LTBP1: variants seen among roughly 807,000 people sequenced by gnomAD.
LTBP1 encodes the protein latent transforming growth factor beta binding protein 1, also known as latent-transforming growth factor beta-binding protein 1.
Under a neutral mutation model 207.6 loss-of-function variants are expected in LTBP1, and 129 were observed. The ratio of observed to expected loss-of-function variants is 0.62; its 90% confidence interval spans 0.54 to 0.72. The LOEUF (loss-of-function observed/expected upper bound fraction) is 0.72. LTBP1 is among the 30% of genes least tolerant of loss of function. The pLI is 0.00. For synonymous variants in LTBP1, 963 were observed against 833.7 expected (o/e 1.16, Z -2.67); for missense variants, 2,281 against 2,217.2 (o/e 1.03, Z -0.58).
intron 24 of LTBP1, among the ~76,000 whole-genome samples, chr2:33,332,472 T>C (rs1482620216): frequency 6.6e-6 from 1 of 151,492 alleles, no homozygotes; most frequent in African/African-American, 2.4e-5. Context: ...AAAAAATCAT[T>C]TATCAACCAG....
In LTBP1 at chr2:33,147,599, T is replaced by A. The variant is rs1162585623; in HGVS notation, c.1201+12639T>A. 3.3e-5 allele frequency among the ~76,000 whole-genome samples: 5 copies of A among 152,364 alleles called. No individual in the cohort carries two copies. The East Asian group carries it at 5.8e-4, about 18-fold the overall frequency. On this transcript the variant is annotated intron_variant, in intron 5 of 33. Transcript: ENST00000404816. Reference sequence around the variant, plus strand: ...AGAGACTCAACCATATCATCAAATATGTTAACCTTTTTCAAATCTCCTACC... The same window carrying A: ...AGAGACTCAACCATATCATCAAATAAGTTAACCTTTTTCAAATCTCCTACC...
At chr2:33,035,323 T>A (rs183127288) in intron 3 of LTBP1, among the ~76,000 whole-genome samples, 4 of 152,322 alleles carry the variant, frequency 2.6e-5, no homozygotes, top group Admixed American at 6.5e-5. Context: ...GATATGGAGA[T>A]GAGAAGTAAG....
intron 7 of LTBP1, among the ~76,000 whole-genome samples, chr2:33,205,416 A>G (rs1016496515): frequency 9.2e-5 from 14 of 152,214 alleles, no homozygotes; most frequent in African/African-American, 3.4e-4. Context: ...GTGGGTAAAT[A>G]TATTAGATTA....
chr2:33,277,316 C>T (rs570083367), intron 18 of LTBP1, among the ~76,000 whole-genome samples: 1 of 152,062 alleles, frequency 6.6e-6, no homozygotes, highest in East Asian at 1.9e-4. Flanking sequence ...CCGAGGGCCA[C>T]GAGGCTACAG....
chr2:33,361,731 C>T (rs2094929544), intron 28 of LTBP1, among the ~76,000 whole-genome samples: 1 of 152,176 alleles, frequency 6.6e-6, no homozygotes, highest in South Asian at 2.1e-4. Context: ...AGGTGAACTT[C>T]TGAGTTTCTG....
chr2:32,987,144 C>G (rs917209370), intron 2 of LTBP1, among the ~76,000 whole-genome samples: 2 of 152,038 alleles, frequency 1.3e-5, no homozygotes. Context: ...AGGTAGGAGA[C>G]GGAAAAGTAG....
chr2:33,309,771 C>T (rs1441446961), intron 23 of LTBP1, among the ~76,000 whole-genome samples: 1 of 152,200 alleles, frequency 6.6e-6, no homozygotes, highest in African/African-American at 2.4e-5. Context: ...CGAGTAAGAG[C>T]TGTGTCCTCA....
At chr2:33,123,977 G>A (rs1330864005) in intron 4 of LTBP1, among the ~76,000 whole-genome samples, 1 of 152,124 alleles carries the variant, frequency 6.6e-6, no homozygotes, top group African/African-American at 2.4e-5. Flanking sequence ...CTTTAGGCAA[G>A]TGCAAAGTCA....
chr2:33,275,540 C>T (rs973994272), intron 17 of LTBP1, among the ~76,000 whole-genome samples: 1 of 152,016 alleles, frequency 6.6e-6, no homozygotes, highest in Non-Finnish European at 1.5e-5. Flanking sequence ...CAGAATTAGC[C>T]AGGCATGGTG....
intron 32 of LTBP1, among the ~76,000 whole-genome samples, chr2:33,391,586 GTTC>G (rs2095314864): frequency 6.6e-6 from 1 of 152,260 alleles, no homozygotes; most frequent in South Asian, 2.1e-4. Context: ...CAATAACTCT[GTTC>G]TTAGATGTAA....
intron 19 of LTBP1, among the ~76,000 whole-genome samples, chr2:33,291,114 C>T (rs2093766117): frequency 6.6e-6 from 1 of 152,172 alleles, no homozygotes; most frequent in African/African-American, 2.4e-5. Flanking sequence ...ATTCTGGTTC[C>T]ATGCAATTAT....
rs17012740 is a variant in LTBP1, at chr2:33,279,856, A to G, written c.2993-183A>G. Among the ~76,000 whole-genome samples, 1,200 of 152,300 alleles carry G rather than the reference A, an allele frequency of 7.9e-3. 11 individuals carry two copies. The highest frequency in any genetic ancestry group is 0.026 in the African/African-American group (1,073 of 41,566). On this transcript the variant is annotated intron_variant, in intron 18 of 33. Coordinates refer to ENST00000404816, the MANE Select transcript of LTBP1 (RefSeq NM_206943.4). ...TGTATGCAAATATTTTAATCCAGGT[A>G]TGCTTGACCATGCATTATTGCCATG...
chr2:33,377,714 T>A (rs1297525691), intron 31 of LTBP1, among the ~76,000 whole-genome samples: 1 of 152,240 alleles, frequency 6.6e-6, no homozygotes, highest in South Asian at 2.1e-4. Context: ...AGTCTGTTTT[T>A]ACACTGCTAT....
intron 3 of LTBP1, among the ~76,000 whole-genome samples, chr2:33,067,722 A>T (rs1329334358): frequency 6.6e-6 from 1 of 152,198 alleles, no homozygotes; most frequent in Non-Finnish European, 1.5e-5. Context: ...TTAGAAGCAA[A>T]TACTATGACA....
At chr2:33,047,609 GT>G (rs1054609812) in intron 3 of LTBP1, among the ~76,000 whole-genome samples, 6 of 152,294 alleles carry the variant, frequency 3.9e-5, no homozygotes, top group Admixed American at 3.3e-4. Flanking sequence ...GGGGTGGAGA[GT>G]TCTGTAGACG....
chr2:33,337,121 A>G (rs952278034), intron 24 of LTBP1, among the ~76,000 whole-genome samples: 1 of 152,210 alleles, frequency 6.6e-6, no homozygotes, highest in Non-Finnish European at 1.5e-5. Flanking sequence ...TTCACTTTAC[A>G]TAAATGAGAA....
At chr2:33,078,397 C>G (rs547189460) in intron 3 of LTBP1, among the ~76,000 whole-genome samples, 1 of 152,270 alleles carries the variant, frequency 6.6e-6, no homozygotes, top group East Asian at 1.9e-4. Flanking sequence ...GCAGTTAGAC[C>G]TTACCTAAAA....
At chr2:33,004,895 C>T (rs1452977653) in intron 2 of LTBP1, among the ~76,000 whole-genome samples, 1 of 149,686 alleles carries the variant, frequency 6.7e-6, no homozygotes, top group African/African-American at 2.5e-5. Flanking sequence ...GTAACTTGGC[C>T]AGGAAATCAT....
chr2:33,230,011 C>T (rs1295569497), intron 9 of LTBP1, among the ~76,000 whole-genome samples: 2 of 152,158 alleles, frequency 1.3e-5, no homozygotes, highest in African/African-American at 2.4e-5. Flanking sequence ...ATTTCACTCC[C>T]TTTGTGATAT....
Sources: gnomAD v4.1 joint callset for allele counts (sites outside exome capture counted in the v4.1 genomes callset) on GRCh38, gnomAD v4.1.1 for gene constraint, MANE v1.5 for transcripts, NCBI Gene and HGNC (gene_info 2026-07-23, HGNC 2026-07-21) for gene names.